Variants in NDUFA5 observed in about 807,000 individuals in gnomAD.
The protein encoded by NDUFA5 is NADH:ubiquinone oxidoreductase subunit A5.
Under a neutral mutation model 19.8 loss-of-function variants are expected in NDUFA5, and 11 were observed. That is an observed-to-expected ratio of 0.56 (90% CI 0.35 to 0.92). NDUFA5 has a LOEUF of 0.92. NDUFA5 is among the 40% of genes least tolerant of loss of function. NDUFA5 has a pLI of 0.01. For synonymous variants in NDUFA5, 47 were observed against 46.8 expected (o/e 1.00, Z -0.01); for missense variants, 109 against 134.2 (o/e 0.81, Z 0.93).
At chr7:123,576,430 C>T in the NDUFA5 span, among the ~76,000 whole-genome samples, 5 of 151,946 alleles carry the variant, frequency 3.3e-5, no homozygotes, top group Non-Finnish European at 7.4e-5. Context: ...GTGATTCATA[C>T]GTTGAAAAGT....
the NDUFA5 span, among the ~76,000 whole-genome samples, chr7:123,582,975 A>G: frequency 1.3e-5 from 2 of 152,090 alleles, no homozygotes; most frequent in East Asian, 1.9e-4. Flanking sequence ...TTAATCTACT[A>G]GCCTCTATTT....
At chr7:123,544,987 AGAG>A (rs1339945500) in intron 4 of NDUFA5, among the ~76,000 whole-genome samples, 12 of 151,898 alleles carry the variant, frequency 7.9e-5, no homozygotes, top group Non-Finnish European at 4.4e-5. Flanking sequence ...AGGTATAGTG[AGAG>A]GAGAAGAAAA....
chr7:123,547,682 A>G (rs918208249), intron 3 of NDUFA5, among the ~76,000 whole-genome samples: 2 of 152,210 alleles, frequency 1.3e-5, no homozygotes, highest in Non-Finnish European at 2.9e-5. Flanking sequence ...CACTGTTATA[A>G]GAGACTCAGG....
At chr7:123,552,311 A>G (rs1798373329) in intron 2 of NDUFA5, among the ~76,000 whole-genome samples, 1 of 152,218 alleles carries the variant, frequency 6.6e-6, no homozygotes, top group South Asian at 2.1e-4. Flanking sequence ...CAGCCATAAA[A>G]AAGGATGAGC....
chr7:123,569,843 C>T, the NDUFA5 span, among the ~76,000 whole-genome samples: 2 of 151,774 alleles, frequency 1.3e-5, no homozygotes, highest in African/African-American at 4.8e-5. Context: ...TGGCAAGTTA[C>T]AAAAAAGAGG....
rs777850327 is a variant in NDUFA5 at position 123,557,398 on chromosome 7, A to G, written c.66+6T>C. On this transcript the variant is annotated splice_donor_region_variant and intron_variant, in intron 2 of 4. Transcript: ENST00000355749. ...TCAAGAACGAAGAAAGAACAAAGGT[A>G]CATACCTCGTGAGGAGTATTGCACA... 19 of 1,613,570 alleles carry G rather than the reference A, an allele frequency of 1.2e-5. No individual in the cohort carries two copies. In the Admixed American group the frequency reaches 2.8e-4, roughly 24 times the overall value.
At chr7:123,571,181 G>A in the NDUFA5 span, among the ~76,000 whole-genome samples, 1 of 152,194 alleles carries the variant, frequency 6.6e-6, no homozygotes, top group Admixed American at 6.5e-5. Context: ...CACAGCAGTT[G>A]AGTACATGCT....
intron 3 of NDUFA5, chr7:123,545,970 T>A: frequency 3.9e-6 from 1 of 257,518 alleles, no homozygotes; most frequent in East Asian, 1.0e-4. Context: ...GCTTTCTTAA[T>A]ATTTCCTGTA....
intron 4 of NDUFA5, 92 bp downstream of exon 4, chr7:123,545,519 T>A (rs1247061348): frequency 1.0e-6 from 1 of 999,760 alleles, no homozygotes; most frequent in Non-Finnish European, 1.6e-6. Context: ...CGAGTTGATA[T>A]AAACAAGGAA....
chr7:123,589,406 G>T, the NDUFA5 span, among the ~76,000 whole-genome samples: 1 of 151,538 alleles, frequency 6.6e-6, no homozygotes, highest in Non-Finnish European at 1.5e-5. Context: ...GTGCCATAGT[G>T]GTGTGCTGCA....
intron 3 of NDUFA5, 54 bp downstream of exon 3, chr7:123,550,416 A>T: frequency 8.4e-7 from 1 of 1,192,472 alleles, no homozygotes; most frequent in South Asian, 1.3e-5. Flanking sequence ...ATAAGGAACT[A>T]AACTTTTTTG....
chr7:123,593,239 T>C, the NDUFA5 span, among the ~76,000 whole-genome samples: 1 of 152,202 alleles, frequency 6.6e-6, no homozygotes, highest in Admixed American at 6.5e-5. Context: ...TGCCAGTCTG[T>C]GTCTTGTAAT....
the NDUFA5 span, among the ~76,000 whole-genome samples, chr7:123,584,532 C>T: frequency 3.1e-3 from 475 of 151,950 alleles, no homozygotes; most frequent in African/African-American, 0.011. Flanking sequence ...TAGAATCTAT[C>T]TTTTCTCCCT....
chr7:123,580,859 T>TA, the NDUFA5 span, among the ~76,000 whole-genome samples: 4 of 151,830 alleles, frequency 2.6e-5, no homozygotes, highest in African/African-American at 7.3e-5. Flanking sequence ...CGCAAACCAC[T>TA]AAAAAAACGC....
upstream of NDUFA5, among the ~76,000 whole-genome samples, chr7:123,559,054 C>T (rs1383426744): frequency 1.3e-5 from 2 of 151,440 alleles, no homozygotes; most frequent in African/African-American, 2.4e-5. Flanking sequence ...AAAGGATCAA[C>T]AAAATTGGCA....
At chr7:123,584,256 G>A in the NDUFA5 span, among the ~76,000 whole-genome samples, 1 of 146,398 alleles carries the variant, frequency 6.8e-6, no homozygotes, top group Non-Finnish European at 1.5e-5. Context: ...AGGCTGCAGT[G>A]AGCTATGATC....
chr7:123,547,953 C>T (rs909559060), intron 3 of NDUFA5, among the ~76,000 whole-genome samples: 2 of 151,954 alleles, frequency 1.3e-5, no homozygotes, highest in African/African-American at 4.8e-5. Context: ...ATTATACCCA[C>T]GTTATAGATG....
the NDUFA5 span, among the ~76,000 whole-genome samples, chr7:123,587,632 GA>G: frequency 1.3e-5 from 2 of 151,636 alleles, no homozygotes; most frequent in Non-Finnish European, 3.0e-5. Flanking sequence ...AGTTCTTAAA[GA>G]AAAGCTTTCA....
intron 1 of NDUFA5, 38 bp downstream of exon 1, chr7:123,557,735 CCA>C (rs1562900825): frequency 6.2e-7 from 1 of 1,614,050 alleles, no homozygotes; most frequent in Non-Finnish European, 8.5e-7. Context: ...GAGTCTACCC[CCA>C]CAGTCTAAAT....
Sources: gnomAD v4.1 joint callset for allele counts (sites outside exome capture counted in the v4.1 genomes callset) on GRCh38, gnomAD v4.1.1 for gene constraint, MANE v1.5 for transcripts, NCBI Gene and HGNC (gene_info 2026-07-23, HGNC 2026-07-21) for gene names.